DPP10: variants seen among roughly 807,000 people sequenced by gnomAD.
DPP10 encodes the protein dipeptidyl peptidase like 10, also known as inactive dipeptidyl peptidase 10.
Under a neutral mutation model 120.9 loss-of-function variants are expected in DPP10, and 33 were observed. That is an observed-to-expected ratio of 0.27 (90% CI 0.21 to 0.37). The LOEUF (loss-of-function observed/expected upper bound fraction) is 0.37, where lower values mean the gene tolerates loss of function less well. Ranked by LOEUF, DPP10 falls within the 10% of genes least tolerant of loss-of-function variation. The pLI is 1.00. For synonymous variants in DPP10, 337 were observed against 326.1 expected (o/e 1.03, Z -0.36); for missense variants, 816 against 942.8 (o/e 0.87, Z 1.76).
intron 1 of DPP10, among the ~76,000 whole-genome samples, chr2:114,608,417 G>A (rs140112461): frequency 1.3e-4 from 19 of 151,930 alleles, no homozygotes; most frequent in African/African-American, 4.1e-4. Context: ...AGGAGACGGT[G>A]GTAACAGCAA....
intron 1 of DPP10, among the ~76,000 whole-genome samples, chr2:115,184,508 C>T (rs529058455): frequency 0.01 from 1,530 of 152,294 alleles, 11 homozygotes; most frequent in Non-Finnish European, 0.015. Flanking sequence ...GAGTCACATT[C>T]GCTTTGAAGG....
rs181145410 is a variant in DPP10, at chr2:115,393,045, G to A, written c.271+49133G>A. ...ATATGTGAATAGGCTGGGTGCGGTG[G>A]CTCATACCTCTAATCCCAGCACATT... is the stretch of plus-strand genomic sequence containing the variant. On this transcript the variant is annotated intron_variant, in intron 3 of 25. Coordinates refer to ENST00000410059, the MANE Select transcript of DPP10 (RefSeq NM_020868.6). Among the ~76,000 whole-genome samples, 315 of 152,194 alleles carry A rather than the reference G, an allele frequency of 2.1e-3. 2 individuals are homozygous for A. Among genetic ancestry groups the A allele is most frequent in the Middle Eastern group, 3.4e-3 (1 of 294 alleles).
chr2:115,432,312 C>T (rs755001673), intron 3 of DPP10, among the ~76,000 whole-genome samples: 20 of 151,966 alleles, frequency 1.3e-4, no homozygotes, highest in Non-Finnish European at 2.5e-4. Context: ...GAAAGAAAGA[C>T]GATGCAATTT....
At chr2:114,975,273 T>C (rs1050093807) in intron 1 of DPP10, among the ~76,000 whole-genome samples, 1 of 152,146 alleles carries the variant, frequency 6.6e-6, no homozygotes. Context: ...CTCAATCTCT[T>C]GACCTCATGA....
chr2:115,736,283 G>A (rs1286415072), intron 8 of DPP10, among the ~76,000 whole-genome samples: 1 of 152,036 alleles, frequency 6.6e-6, no homozygotes, highest in Non-Finnish European at 1.5e-5. Context: ...ATACAGGTGG[G>A]GCACACTGCA....
At chr2:115,545,229 C>A (rs1451929300) in intron 5 of DPP10, among the ~76,000 whole-genome samples, 1 of 152,140 alleles carries the variant, frequency 6.6e-6, no homozygotes, top group Non-Finnish European at 1.5e-5. Flanking sequence ...ATATCTTGAT[C>A]TCTTTCAAAT....
chr2:114,786,903 T>C (rs748862077), intron 1 of DPP10, among the ~76,000 whole-genome samples: 4 of 152,124 alleles, frequency 2.6e-5, no homozygotes, highest in Admixed American at 6.5e-5. Context: ...ATCACACAAT[T>C]GGAACAATCC....
chr2:114,682,158 T>C (rs1438605059), intron 1 of DPP10, among the ~76,000 whole-genome samples: 2 of 151,994 alleles, frequency 1.3e-5, no homozygotes, highest in Non-Finnish European at 2.9e-5. Flanking sequence ...TGTCTCTGTC[T>C]CTGTCTCTCT....
chr2:115,079,768 CATG>C (rs1708113558), intron 1 of DPP10, among the ~76,000 whole-genome samples: 4 of 152,188 alleles, frequency 2.6e-5, no homozygotes, highest in Admixed American at 2.0e-4. Context: ...GGCCTCACAT[CATG>C]ATGAGTGACT....
chr2:115,099,130 C>CAAAAAAAAAAAAAAAAAAAAA (rs55815168), intron 1 of DPP10, among the ~76,000 whole-genome samples: 1 of 74,786 alleles, frequency 1.3e-5, no homozygotes, highest in Non-Finnish European at 2.9e-5. Flanking sequence ...GCTAAAAATA[C>CAAAAAAAAAAAAAAAAAAAAA]AAAAAAAAAA....
chr2:115,447,613 T>A (rs1248911990), intron 3 of DPP10, among the ~76,000 whole-genome samples: 1 of 152,156 alleles, frequency 6.6e-6, no homozygotes, highest in Non-Finnish European at 1.5e-5. Context: ...GTGAGAGAGT[T>A]CTCATAGGAT....
intron 1 of DPP10, among the ~76,000 whole-genome samples, chr2:115,153,950 C>T (rs2051730564): frequency 6.6e-6 from 1 of 152,120 alleles, no homozygotes; most frequent in African/African-American, 2.4e-5. Flanking sequence ...ATCAGCAATT[C>T]CCCTTACCCT....
At chr2:114,522,846 T>C (rs1250384562) in intron 1 of DPP10, among the ~76,000 whole-genome samples, 2 of 152,162 alleles carry the variant, frequency 1.3e-5, no homozygotes, top group Admixed American at 6.5e-5. Context: ...AGAGAACTTG[T>C]GCAGGGAAAC....
At chr2:115,009,580 A>G (rs937131196) in intron 1 of DPP10, among the ~76,000 whole-genome samples, 8 of 150,334 alleles carry the variant, frequency 5.3e-5, no homozygotes, top group Non-Finnish European at 1.2e-4. Flanking sequence ...AAGTATAATA[A>G]TAAAAGAAAA....
rs2081506807 is a variant in DPP10, at chr2:115,574,001, T to C, written c.441+48029T>C. On this transcript the variant is annotated intron_variant, in intron 5 of 25. Coordinates refer to ENST00000410059, the MANE Select transcript of DPP10 (RefSeq NM_020868.6). Reference sequence around the variant, plus strand: ...AGCTTAACTAAAACCATGCCCTTTCTAACCACAGTCCATGTGAGTTCCCAT... The same window carrying C: ...AGCTTAACTAAAACCATGCCCTTTCCAACCACAGTCCATGTGAGTTCCCAT... Among the ~76,000 whole-genome samples, 3 of 152,172 alleles carry C rather than the reference T, an allele frequency of 2.0e-5. No individual in the cohort carries two copies. In the South Asian group the frequency reaches 6.2e-4, roughly 31 times the overall value.
At chr2:115,215,213 A>G (rs1275870585) in intron 1 of DPP10, among the ~76,000 whole-genome samples, 1 of 152,202 alleles carries the variant, frequency 6.6e-6, no homozygotes, top group Non-Finnish European at 1.5e-5. Flanking sequence ...GCTTCCATTT[A>G]TGTGGTTTCA....
At chr2:115,735,088 A>C (rs754257549) in intron 8 of DPP10, among the ~76,000 whole-genome samples, 1 of 152,206 alleles carries the variant, frequency 6.6e-6, no homozygotes, top group Non-Finnish European at 1.5e-5. Context: ...GGGAGATAAG[A>C]AAATAAATTC....
intron 1 of DPP10, among the ~76,000 whole-genome samples, chr2:114,920,013 G>C (rs1419759687): frequency 6.6e-6 from 1 of 152,138 alleles, no homozygotes; most frequent in Non-Finnish European, 1.5e-5. Context: ...CTCTTATTTA[G>C]TCACATAAGT....
chr2:114,597,246 G>A (rs1023391686), intron 1 of DPP10, among the ~76,000 whole-genome samples: 1 of 152,008 alleles, frequency 6.6e-6, no homozygotes, highest in African/African-American at 2.4e-5. Flanking sequence ...ATTTGGTACT[G>A]TTGGGCCATA....
Sources: gnomAD v4.1 joint callset for allele counts (sites outside exome capture counted in the v4.1 genomes callset) on GRCh38, gnomAD v4.1.1 for gene constraint, MANE v1.5 for transcripts, NCBI Gene and HGNC (gene_info 2026-07-23, HGNC 2026-07-21) for gene names.